DLGAP2: variants seen among roughly 807,000 people sequenced by gnomAD.
The protein encoded by DLGAP2 is disks large-associated protein 2.
DLGAP2 carries 26 observed loss-of-function variants against 100.3 expected under a neutral mutation model. The ratio of observed to expected loss-of-function variants is 0.26; its 90% CI spans 0.19 to 0.36. The LOEUF (loss-of-function observed/expected upper bound fraction) is 0.36. Among genes scored for constraint, DLGAP2 ranks in the 10% least tolerant of loss-of-function variants. DLGAP2 has a pLI of 1.00. For missense variants in DLGAP2, 1,858 were observed against 1,453.2 expected, an observed-to-expected ratio of 1.28 and a Z score of -4.53; for synonymous variants, 886 against 630.1, an observed-to-expected ratio of 1.41 and a Z score of -6.08.
chr8:1,587,972 A>G (rs1186218733), intron 6 of DLGAP2, among the ~76,000 whole-genome samples: 1 of 152,186 alleles, frequency 6.6e-6, no homozygotes, highest in Non-Finnish European at 1.5e-5. Flanking sequence ...TTTTCCTGTA[A>G]CTGTGACACG....
intron 2 of DLGAP2, among the ~76,000 whole-genome samples, chr8:1,075,552 A>G (rs369682675): frequency 2.0e-5 from 3 of 152,114 alleles, no homozygotes; most frequent in Non-Finnish European, 2.9e-5. Flanking sequence ...TTGCTTAAGT[A>G]CCAAAAGCTC....
Position 1,255,495 on chromosome 8 carries a change from T to C in DLGAP2, c.74-3356T>C, listed in dbSNP as rs377424269. 8.8e-3 allele frequency among the ~76,000 whole-genome samples: 629 copies of C among 71,730 alleles called. 5 individuals carry two copies. The highest frequency in any genetic ancestry group is 0.022 in the African/African-American group (273 of 12,510). 47.1% of individuals were successfully genotyped at this position (71,730 alleles called of 152,430 possible). ...GGTGCTGTGTGTGTGTGTCCTCATC[T>C]TGCCCGGGCGCTGTGTGTGTGTCAT... On this transcript the variant is annotated intron_variant, in intron 2 of 14. Transcript: ENST00000637795.
At chr8:1,150,992 A>G (rs1796687442) in intron 2 of DLGAP2, among the ~76,000 whole-genome samples, 1 of 152,238 alleles carries the variant, frequency 6.6e-6, no homozygotes, top group African/African-American at 2.4e-5. Flanking sequence ...ACATGTATGA[A>G]ACACACATAC....
At chr8:1,447,292 A>G (rs983965929) in intron 3 of DLGAP2, among the ~76,000 whole-genome samples, 2 of 152,210 alleles carry the variant, frequency 1.3e-5, no homozygotes, top group East Asian at 1.9e-4. Context: ...AGTTTTTAGC[A>G]TGAAGGTTGT....
rs181519219 is a variant in DLGAP2 at position 843,008 on chromosome 8, C to T, written c.19-64904C>T. Among the ~76,000 whole-genome samples, 693 of 152,286 alleles carry T rather than the reference C, an allele frequency of 4.6e-3. 1 individual carries two copies. The highest frequency in any genetic ancestry group is 7.4e-3 in the Non-Finnish European group (503 of 68,038). ...TGGATGTGCCTCTCTGGCGGGCTTT[C>T]GCTCACTTTATGGATGTACCTCTGG... On this transcript the variant is annotated intron_variant, in intron 1 of 14. Coordinates refer to ENST00000637795, the MANE Select transcript of DLGAP2 (RefSeq NM_001346810.2).
At chr8:793,922 C>G (rs1191727684) in intron 1 of DLGAP2, among the ~76,000 whole-genome samples, 1 of 152,174 alleles carries the variant, frequency 6.6e-6, no homozygotes, top group Non-Finnish European at 1.5e-5. Context: ...GGCTCTCCCT[C>G]TATTGTGGGT....
intron 2 of DLGAP2, among the ~76,000 whole-genome samples, chr8:1,096,323 G>T (rs143281963): frequency 6.6e-6 from 1 of 152,356 alleles, no homozygotes; most frequent in East Asian, 1.9e-4. Context: ...GGAGGTTTGT[G>T]TGTGGGCTCA....
intron 2 of DLGAP2, among the ~76,000 whole-genome samples, chr8:1,186,193 G>T (rs1011671459): frequency 6.6e-6 from 1 of 152,244 alleles, no homozygotes; most frequent in Non-Finnish European, 1.5e-5. Flanking sequence ...CGATGGGTCG[G>T]TGGCACCGAG....
At chr8:1,319,302 C>T (rs988338287) in intron 3 of DLGAP2, among the ~76,000 whole-genome samples, 9 of 152,170 alleles carry the variant, frequency 5.9e-5, no homozygotes, top group Non-Finnish European at 1.2e-4. Context: ...TAAAATGAAT[C>T]CCCTGAAACC....
At chr8:877,434 C>A (rs1238171759) in intron 1 of DLGAP2, among the ~76,000 whole-genome samples, 3 of 152,124 alleles carry the variant, frequency 2.0e-5, no homozygotes, top group Non-Finnish European at 2.9e-5. Flanking sequence ...TGGGTGTGAC[C>A]CCCTTACCTG....
At chr8:1,655,952 C>G (rs1361088198) in intron 8 of DLGAP2, among the ~76,000 whole-genome samples, 5 of 152,232 alleles carry the variant, frequency 3.3e-5, no homozygotes, top group Admixed American at 2.0e-4. Flanking sequence ...CTGGCCGCAC[C>G]TGACCATGAC....
Position 1,563,514 on chromosome 8 carries a change from T to C in DLGAP2, c.1231-2169T>C, listed in dbSNP as rs1212575626. 3.1e-5 allele frequency among the ~76,000 whole-genome samples: 4 copies of C among 130,968 alleles called. 1 individual carries two copies. The highest frequency in any genetic ancestry group is 4.4e-3 in the Middle Eastern group (1 of 228). 85.9% of individuals were successfully genotyped at this position (130,968 alleles called of 152,430 possible). A position where few individuals can be genotyped will look rare whatever the true frequency, so the allele number is the denominator to read the frequency against. On this transcript the variant is annotated intron_variant, in intron 5 of 14. Coordinates refer to ENST00000637795, the MANE Select transcript of DLGAP2 (RefSeq NM_001346810.2). ...GGACTGTGTGGTGTTGGGGTGTCCG[T>C]GCCTCGTTACTGCGGGGACCGTGCA...
chr8:1,650,921 G>C (rs1190126363), intron 8 of DLGAP2, among the ~76,000 whole-genome samples: 1 of 152,118 alleles, frequency 6.6e-6, no homozygotes, highest in Non-Finnish European at 1.5e-5. Context: ...AAGCTTGGGT[G>C]ACAGTTGCTG....
intron 1 of DLGAP2, among the ~76,000 whole-genome samples, chr8:892,387 G>A (rs1357674704): frequency 2.0e-5 from 3 of 152,152 alleles, no homozygotes; most frequent in Non-Finnish European, 4.4e-5. Context: ...ACGAAATCCC[G>A]ACGAGGCTAT....
chr8:1,076,429 C>A (rs999162646), intron 2 of DLGAP2, among the ~76,000 whole-genome samples: 1 of 152,186 alleles, frequency 6.6e-6, no homozygotes. Flanking sequence ...TGCGGAAAGT[C>A]GGATGGGTTA....
chr8:1,254,244 C>T (rs776829315), intron 2 of DLGAP2, among the ~76,000 whole-genome samples: 2 of 152,210 alleles, frequency 1.3e-5, no homozygotes, highest in Non-Finnish European at 2.9e-5. Flanking sequence ...CGGCGTCTCC[C>T]CTGCCCTGGG....
intron 8 of DLGAP2, among the ~76,000 whole-genome samples, chr8:1,656,632 C>T (rs1186348441): frequency 1.3e-5 from 2 of 152,216 alleles, no homozygotes; most frequent in Non-Finnish European, 2.9e-5. Context: ...TTCCCTGCCC[C>T]ATTTATTCAG....
chr8:889,532 G>A (rs559603300), intron 1 of DLGAP2, among the ~76,000 whole-genome samples: 97 of 152,326 alleles, frequency 6.4e-4, no homozygotes, highest in African/African-American at 2.3e-3. Flanking sequence ...CACTGAGGAA[G>A]GATGGGTCAG....
At chr8:1,521,207 C>T (rs555194752) in intron 4 of DLGAP2, among the ~76,000 whole-genome samples, 11 of 81,614 alleles carry the variant, frequency 1.3e-4, no homozygotes, top group East Asian at 3.0e-4. Context: ...TTGGAATACT[C>T]GGGGGCAGGT....
Sources: allele counts gnomAD v4.1 joint callset (sites outside exome capture counted in the v4.1 genomes callset), GRCh38; gene constraint gnomAD v4.1.1; transcripts MANE v1.5; gene names NCBI Gene and HGNC (gene_info 2026-07-23, HGNC 2026-07-21).